Variants in PLAG1 observed in about 807,000 individuals in gnomAD.
PLAG1 encodes the protein PLAG1 zinc finger.
A neutral mutation model predicts 35.5 loss-of-function variants in PLAG1; 7 were observed. The ratio of observed to expected loss-of-function variants is 0.20; its 90% CI spans 0.11 to 0.37. The LOEUF is 0.37. Among genes scored for constraint, PLAG1 ranks in the 10% least tolerant of loss-of-function variants. PLAG1 has a pLI of 1.00. For synonymous variants in PLAG1, 229 were observed against 225.4 expected (o/e 1.02, Z -0.14); for missense variants, 454 against 602.8 (o/e 0.75, Z 2.58).
chr8:56,161,944 A>G lies in PLAG1; in HGVS notation c.*4299T>C, dbSNP rs1205259832. The G allele has an allele frequency of 4.4e-6, 1 of 227,706 alleles. No individual in the cohort carries two copies. Among genetic ancestry groups the G allele is most frequent in the Admixed American group, 5.7e-5 (1 of 17,602 alleles). 14.1% of individuals were successfully genotyped at this position (227,706 alleles called of 1,614,324 possible). A position where few individuals can be genotyped will look rare whatever the true frequency, so the allele number is the denominator to read the frequency against. ...TGTCATTTCTAGGCTAGATAACATCAAAAGACACTGCCTTCCATCCTCAGA... is the reference window on the plus strand; with the variant it reads ...TGTCATTTCTAGGCTAGATAACATCGAAAGACACTGCCTTCCATCCTCAGA... On this transcript the variant is annotated 3_prime_UTR_variant, in exon 5 of 5. Transcript: ENST00000316981.
At chr8:56,208,852 C>T (rs1416752235) in intron 1 of PLAG1, among the ~76,000 whole-genome samples, 1 of 152,200 alleles carries the variant, frequency 6.6e-6, no homozygotes, top group Non-Finnish European at 1.5e-5. Flanking sequence ...ATAAATTCAA[C>T]TTAGAAAATG....
chr8:56,187,644 T>TA (rs1384100467), intron 1 of PLAG1, among the ~76,000 whole-genome samples: 2 of 152,202 alleles, frequency 1.3e-5, no homozygotes, highest in Non-Finnish European at 2.9e-5. Context: ...GATATGGATT[T>TA]AAAAAATAAG....
At chr8:56,206,901 A>G (rs778057389) in intron 1 of PLAG1, among the ~76,000 whole-genome samples, 1 of 151,976 alleles carries the variant, frequency 6.6e-6, no homozygotes, top group Non-Finnish European at 1.5e-5. Context: ...TGTTGAACAG[A>G]TTCAGTTTCC....
intron 1 of PLAG1, among the ~76,000 whole-genome samples, chr8:56,181,973 A>G (rs1480185435): frequency 1.3e-5 from 2 of 152,252 alleles, no homozygotes; most frequent in East Asian, 3.8e-4. Context: ...ATGACTGCCA[A>G]AAAAGAAGTC....
At chr8:56,177,186 T>G (rs1296977103) in intron 2 of PLAG1, among the ~76,000 whole-genome samples, 3 of 152,234 alleles carry the variant, frequency 2.0e-5, no homozygotes. Flanking sequence ...GTGTATGTGC[T>G]GATGCTTTAG....
chr8:56,177,975 G>A (rs960536674), intron 2 of PLAG1: 57 of 948,350 alleles, frequency 6.0e-5, no homozygotes, highest in Non-Finnish European at 6.8e-5. Flanking sequence ...CCCAGAGCCC[G>A]CCAAGCACGG....
chr8:56,175,294 A>G (rs1053423021), intron 2 of PLAG1, among the ~76,000 whole-genome samples: 1 of 152,220 alleles, frequency 6.6e-6, no homozygotes, highest in African/African-American at 2.4e-5. Context: ...AAAAATTTCC[A>G]AAGTGAAAAC....
chr8:56,196,066 C>T (rs376713082), intron 1 of PLAG1, among the ~76,000 whole-genome samples: 2 of 152,116 alleles, frequency 1.3e-5, no homozygotes, highest in African/African-American at 4.8e-5. Flanking sequence ...TGCCATGGAA[C>T]CAGAGTTGGC....
intron 1 of PLAG1, among the ~76,000 whole-genome samples, chr8:56,193,383 A>G (rs559287039): frequency 6.6e-6 from 1 of 152,344 alleles, no homozygotes; most frequent in South Asian, 2.1e-4. Flanking sequence ...AAACACCTAA[A>G]GGCAGCACTA....
intron 1 of PLAG1, among the ~76,000 whole-genome samples, chr8:56,198,530 G>A (rs1205737071): frequency 6.6e-6 from 1 of 152,184 alleles, no homozygotes; most frequent in Admixed American, 6.5e-5. Context: ...CTGCACTCAG[G>A]GCCAGCGGTC....
intron 1 of PLAG1, among the ~76,000 whole-genome samples, chr8:56,197,073 A>G (rs970901457): frequency 6.9e-6 from 1 of 144,516 alleles, no homozygotes; most frequent in Non-Finnish European, 1.5e-5. Context: ...TCTCCCCCCA[A>G]CTCTGGGGGT....
At chr8:56,204,490 A>T (rs1812644197) in intron 1 of PLAG1, among the ~76,000 whole-genome samples, 1 of 151,952 alleles carries the variant, frequency 6.6e-6, no homozygotes, top group South Asian at 2.1e-4. Flanking sequence ...AAAATTGATT[A>T]TGACACCTTC....
intron 2 of PLAG1, among the ~76,000 whole-genome samples, chr8:56,175,329 T>C (rs1454676963): frequency 6.6e-6 from 1 of 152,100 alleles, no homozygotes; most frequent in Admixed American, 6.5e-5. Flanking sequence ...CATTAGTCCT[T>C]GGTATGGGGC....
intron 1 of PLAG1, among the ~76,000 whole-genome samples, chr8:56,180,320 T>C (rs910958343): frequency 6.6e-6 from 1 of 152,238 alleles, no homozygotes; most frequent in African/African-American, 2.4e-5. Context: ...CTGACACTGA[T>C]GGAATAAACA....
rs1811328173 is a variant in PLAG1 at position 56,165,496 on chromosome 8, T to C, written c.*747A>G. The stretch of plus-strand genomic sequence containing the variant: ...ATTATTAAATGAAAAGATAGCATGT[T>C]AAGAAGGATGAAACACGACAAAATA... On this transcript the variant is annotated 3_prime_UTR_variant, in exon 5 of 5. Transcript: ENST00000316981. 4.7e-6 allele frequency: 1 copy of C among 210,836 alleles called. No individual in the cohort carries two copies. Among genetic ancestry groups the C allele is most frequent in the Non-Finnish European group, 9.6e-6 (1 of 103,870 alleles). 13.1% of individuals were successfully genotyped at this position (210,836 alleles called of 1,614,324 possible). A position where few individuals can be genotyped will look rare whatever the true frequency, so the allele number is the denominator to read the frequency against.
chr8:56,162,800 A>G lies in PLAG1; in HGVS notation c.*3443T>C. 4.7e-6 allele frequency: 1 copy of G among 213,342 alleles called. No homozygotes were observed. The highest frequency in any genetic ancestry group is 9.5e-6 in the Non-Finnish European group (1 of 105,246). The allele number at this position is 213,342 out of a possible 1,614,324, so 13.2% of individuals were successfully genotyped here. On this transcript the variant is annotated 3_prime_UTR_variant, in exon 5 of 5. Coordinates refer to ENST00000316981, the MANE Select transcript of PLAG1 (RefSeq NM_002655.3). ...ATGTTTCAGTCAGTATATGGTTTTTAAAAACCGCTACTGTCCAAATTAACA... is the reference window on the plus strand; with the variant it reads ...ATGTTTCAGTCAGTATATGGTTTTTGAAAACCGCTACTGTCCAAATTAACA...
intron 1 of PLAG1, among the ~76,000 whole-genome samples, chr8:56,207,357 A>G (rs1350216250): frequency 6.6e-6 from 1 of 152,032 alleles, no homozygotes; most frequent in Non-Finnish European, 1.5e-5. Context: ...ACCAAAATGT[A>G]CATAGTGACA....
intron 2 of PLAG1, among the ~76,000 whole-genome samples, chr8:56,171,876 T>C (rs1240901942): frequency 6.6e-6 from 1 of 152,180 alleles, no homozygotes; most frequent in African/African-American, 2.4e-5. Flanking sequence ...ACTCTTAAAG[T>C]AGCTTATAAT....
At position 56,166,864 on chromosome 8, in the gene PLAG1, T is replaced by A. The variant is rs143076277; in HGVS notation, c.882A>T (p.Pro294=). Residue 294 remains proline (P), a synonymous_variant, in exon 5 of 5, where the codon CCA becomes CCT. Transcript: ENST00000316981. ...NTLQLNLYNT[P]FQSMQSSGSA... is the part of the protein sequence containing the mutation. ...ATCCCGAGCTCTGCATGGACTGAAA[T>A]GGAGTGTTGTAGAGGTTTAACTGCA... 8.1e-5 allele frequency: 131 copies of A among 1,614,056 alleles called. 1 individual carries two copies. In the African/African-American group the frequency reaches 1.4e-3, roughly 18 times the overall value.
Sources: allele counts gnomAD v4.1 joint callset (sites outside exome capture counted in the v4.1 genomes callset), GRCh38; gene constraint gnomAD v4.1.1; transcripts MANE v1.5; gene names NCBI Gene and HGNC (gene_info 2026-07-23, HGNC 2026-07-21).